Variants in DSCAM observed in about 807,000 individuals in gnomAD.
DSCAM encodes DS cell adhesion molecule, also known as cell adhesion molecule DSCAM.
DSCAM carries 47 observed loss-of-function variants against 217.7 expected under a neutral mutation model. The observed-to-expected ratio is 0.22, with a 90% CI of 0.17 to 0.28. The LOEUF is 0.28. Among genes scored for constraint, DSCAM ranks in the 10% least tolerant of loss-of-function variants. The probability of loss-of-function intolerance (pLI) is 1.00; values close to 1 mark genes in which losing one functional copy is unlikely to be tolerated. For missense variants in DSCAM, 2,080 were observed against 2,618.3 expected (o/e 0.79, Z 4.49); for synonymous variants, 1,056 against 1,015.3 (o/e 1.04, Z -0.76).
At chr21:40,296,831 C>CA (rs58219836) in intron 9 of DSCAM, among the ~76,000 whole-genome samples, 1,808 of 52,294 alleles carry the variant, frequency 0.035, 59 homozygotes, top group East Asian at 0.048. Context: ...AACTCCATCT[C>CA]AAAAAAAAAA....
intron 8 of DSCAM, among the ~76,000 whole-genome samples, chr21:40,315,539 G>A (rs1020571023): frequency 6.6e-5 from 10 of 152,132 alleles, no homozygotes; most frequent in Non-Finnish European, 8.8e-5. Flanking sequence ...GAAGTAAGAG[G>A]TAGCTATAGA....
intron 3 of DSCAM, among the ~76,000 whole-genome samples, chr21:40,402,048 CCTTT>C (rs2075239303): frequency 5.0e-5 from 5 of 100,118 alleles, no homozygotes; most frequent in Admixed American, 1.2e-4. Flanking sequence ...TATTCTTATT[CCTTT>C]TTTTTTTTTT....
chr21:40,321,482 G>A (rs890231281), intron 8 of DSCAM, among the ~76,000 whole-genome samples: 11 of 152,130 alleles, frequency 7.2e-5, no homozygotes, highest in Non-Finnish European at 1.2e-4. Flanking sequence ...TTTGTGTCCA[G>A]CTGCTGAGAG....
intron 6 of DSCAM, among the ~76,000 whole-genome samples, chr21:40,345,325 C>T (rs1380876828): frequency 1.3e-5 from 2 of 151,984 alleles, no homozygotes; most frequent in African/African-American, 2.4e-5. Context: ...CATTTGTATT[C>T]TCACTCCCCA....
chr21:40,825,555 C>T (rs1324722774), intron 1 of DSCAM, among the ~76,000 whole-genome samples: 1 of 152,228 alleles, frequency 6.6e-6, no homozygotes, highest in South Asian at 2.1e-4. Flanking sequence ...CCACCTTAGG[C>T]AATCTGCCCA....
At chr21:40,276,623 T>C (rs1379820029) in intron 10 of DSCAM, among the ~76,000 whole-genome samples, 2 of 152,180 alleles carry the variant, frequency 1.3e-5, no homozygotes, top group East Asian at 3.9e-4. Flanking sequence ...TGGTGCTAAA[T>C]AAATTCCTTG....
intron 11 of DSCAM, among the ~76,000 whole-genome samples, chr21:40,236,588 G>A (rs2073082408): frequency 6.6e-6 from 1 of 152,118 alleles, no homozygotes; most frequent in Non-Finnish European, 1.5e-5. Context: ...TGACACCAGG[G>A]GTCAGGCTGC....
intron 11 of DSCAM, among the ~76,000 whole-genome samples, chr21:40,261,326 G>A (rs57103586): frequency 0.015 from 2,320 of 152,314 alleles, 71 homozygotes; most frequent in African/African-American, 0.053. Flanking sequence ...ATGTATCTGT[G>A]AGGGTGTTTC....
intron 3 of DSCAM, among the ~76,000 whole-genome samples, chr21:40,502,899 A>T (rs971071693): frequency 3.3e-5 from 5 of 151,620 alleles, no homozygotes; most frequent in Admixed American, 1.3e-4. Context: ...TTTCCTTTAT[A>T]ATATTATGTA....
chr21:40,690,109 C>A (rs2090523347), intron 3 of DSCAM, among the ~76,000 whole-genome samples: 1 of 152,196 alleles, frequency 6.6e-6, no homozygotes, highest in Admixed American at 6.5e-5. Flanking sequence ...CCTTCTCCAC[C>A]TAAACCTCCT....
At chr21:40,067,267 A>G (rs2089220323) in intron 27 of DSCAM, among the ~76,000 whole-genome samples, 1 of 152,254 alleles carries the variant, frequency 6.6e-6, no homozygotes, top group Non-Finnish European at 1.5e-5. Flanking sequence ...GCACCATTGC[A>G]AAGTCAAAAA....
intron 20 of DSCAM, among the ~76,000 whole-genome samples, chr21:40,115,571 A>G (rs1395175867): frequency 1.3e-5 from 2 of 152,218 alleles, no homozygotes; most frequent in East Asian, 3.9e-4. Flanking sequence ...TAATAATAAA[A>G]AAAAAGAAAT....
At chr21:40,521,865 C>T (rs1601712974) in intron 3 of DSCAM, among the ~76,000 whole-genome samples, 1 of 152,018 alleles carries the variant, frequency 6.6e-6, no homozygotes, top group Non-Finnish European at 1.5e-5. Flanking sequence ...GTATGTTCCC[C>T]AGAAAGAAAT....
chr21:40,717,236 G>A (rs13048347), intron 1 of DSCAM, among the ~76,000 whole-genome samples: 9,624 of 152,288 alleles, frequency 0.063, 368 homozygotes, highest in East Asian at 0.13. Context: ...TAACCAAGGC[G>A]TGGAAGGGTG....
chr21:40,626,166 A>G (rs2089598224), intron 3 of DSCAM, among the ~76,000 whole-genome samples: 1 of 152,144 alleles, frequency 6.6e-6, no homozygotes, highest in Non-Finnish European at 1.5e-5. Flanking sequence ...CATCACAGGG[A>G]GTGGACAGAG....
At position 40,269,035 on chromosome 21, in the gene DSCAM, C is replaced by T. The variant is rs549745938; in HGVS notation, c.2356+7062G>A. Among the ~76,000 whole-genome samples the T allele has an allele frequency of 2.6e-5, 4 of 152,256 alleles. No individual in the cohort carries two copies. The South Asian group carries it at 8.3e-4, about 32-fold the overall frequency. The stretch of plus-strand genomic sequence containing the variant: ...AATCCAGATCTAACTCCTCATTCCC[C>T]CAGAGCCATTTATTTCAGCAGGATT... On this transcript the variant is annotated intron_variant, in intron 11 of 32. Coordinates refer to ENST00000400454, the MANE Select transcript of DSCAM (RefSeq NM_001389.5).
intron 1 of DSCAM, among the ~76,000 whole-genome samples, chr21:40,768,460 T>C (rs2091415468): frequency 6.6e-6 from 1 of 152,170 alleles, no homozygotes; most frequent in African/African-American, 2.4e-5. Flanking sequence ...CAATTACAGC[T>C]TGTCTTTCAC....
At chr21:40,597,149 C>G (rs2146254512) in intron 3 of DSCAM, among the ~76,000 whole-genome samples, 1 of 152,274 alleles carries the variant, frequency 6.6e-6, no homozygotes, top group South Asian at 2.1e-4. Context: ...ATAGTAAGCA[C>G]TCACAACATA....
intron 3 of DSCAM, among the ~76,000 whole-genome samples, chr21:40,609,433 C>A (rs761062767): frequency 6.6e-6 from 1 of 152,202 alleles, no homozygotes; most frequent in Non-Finnish European, 1.5e-5. Context: ...TCAATTAATA[C>A]CTTTTCATTA....
Sources: allele counts gnomAD v4.1 joint callset (sites outside exome capture counted in the v4.1 genomes callset), GRCh38; gene constraint gnomAD v4.1.1; transcripts MANE v1.5; gene names NCBI Gene and HGNC (gene_info 2026-07-23, HGNC 2026-07-21).